Variants in CRYL1 observed in about 807,000 individuals in gnomAD.
CRYL1 encodes the protein lambda-crystallin homolog.
A neutral mutation model predicts 36.6 loss-of-function variants in CRYL1; 29 were observed. That is an observed-to-expected ratio of 0.79 (90% CI 0.59 to 1.08). The LOEUF is 1.08. CRYL1 is among the 50% of genes least tolerant of loss of function. The probability of loss-of-function intolerance (pLI) is 0.00; values close to 1 mark genes in which losing one functional copy is unlikely to be tolerated. For missense variants in CRYL1, 411 were observed against 407.9 expected (o/e 1.01, Z -0.06); for synonymous variants, 152 against 151.5 (o/e 1.00, Z -0.02).
chr13:20,452,272 A>G (rs145530553), intron 3 of CRYL1, among the ~76,000 whole-genome samples: 36 of 151,054 alleles, frequency 2.4e-4, no homozygotes, highest in African/African-American at 6.5e-4. Flanking sequence ...ACCCAACCCA[A>G]CTCTAAACTA....
At chr13:20,496,745 T>G (rs764163962) in intron 2 of CRYL1, among the ~76,000 whole-genome samples, 7 of 149,430 alleles carry the variant, frequency 4.7e-5, no homozygotes, top group Non-Finnish European at 8.9e-5. Context: ...GCAAAAAGGC[T>G]GAGGTAGGAG....
intron 2 of CRYL1, among the ~76,000 whole-genome samples, chr13:20,500,687 A>G (rs2033686157): frequency 6.6e-6 from 1 of 152,190 alleles, no homozygotes; most frequent in Non-Finnish European, 1.5e-5. Context: ...CTGGATGGTC[A>G]TGAGGTCTTC....
At chr13:20,485,951 T>G (rs989547583) in intron 3 of CRYL1, among the ~76,000 whole-genome samples, 1 of 152,086 alleles carries the variant, frequency 6.6e-6, no homozygotes, top group African/African-American at 2.4e-5. Flanking sequence ...GGAGTCTTAC[T>G]CCAGTTGCCC....
chr13:20,486,905 C>G (rs2033411170), intron 3 of CRYL1, among the ~76,000 whole-genome samples: 1 of 152,172 alleles, frequency 6.6e-6, no homozygotes, highest in African/African-American at 2.4e-5. Flanking sequence ...GTGCCAAGTA[C>G]TATGTAAGTG....
intron 5 of CRYL1, among the ~76,000 whole-genome samples, chr13:20,417,707 C>T (rs1430952726): frequency 1.3e-5 from 2 of 152,112 alleles, no homozygotes; most frequent in Non-Finnish European, 2.9e-5. Context: ...GATTTTTCCA[C>T]AGTGGAGTAA....
chr13:20,460,906 G>C (rs1421298849), intron 3 of CRYL1, among the ~76,000 whole-genome samples: 2 of 152,150 alleles, frequency 1.3e-5, no homozygotes, highest in African/African-American at 4.8e-5. Context: ...TATATAGTAA[G>C]TGCACAGCTG....
intron 5 of CRYL1, among the ~76,000 whole-genome samples, chr13:20,423,575 A>G (rs117089661): frequency 0.01 from 1,540 of 152,252 alleles, 12 homozygotes; most frequent in Non-Finnish European, 0.018. Context: ...AGATTTGCCT[A>G]TGGTAAAGTA....
intron 3 of CRYL1, among the ~76,000 whole-genome samples, chr13:20,475,238 G>A (rs534611111): frequency 4.6e-5 from 7 of 152,214 alleles, no homozygotes; most frequent in East Asian, 3.9e-4. Flanking sequence ...ATCACACCCC[G>A]TGTCTCTCCC....
chr13:20,521,745 T>C (rs943536474), intron 1 of CRYL1, among the ~76,000 whole-genome samples: 1 of 152,218 alleles, frequency 6.6e-6, no homozygotes, highest in African/African-American at 2.4e-5. Context: ...TTCAATTCTA[T>C]CATTAATGTC....
intron 3 of CRYL1, among the ~76,000 whole-genome samples, chr13:20,487,474 T>A (rs539455415): frequency 1.3e-5 from 2 of 152,334 alleles, no homozygotes; most frequent in African/African-American, 2.4e-5. Flanking sequence ...AAAGTGATTG[T>A]AATGAAGACA....
chr13:20,429,984 G>A (rs530692048), intron 5 of CRYL1, among the ~76,000 whole-genome samples: 1 of 152,110 alleles, frequency 6.6e-6, no homozygotes, highest in Non-Finnish European at 1.5e-5. Context: ...TCAGCACCAC[G>A]ACAAGCCCCC....
At chr13:20,503,644 G>A (rs563709750) in intron 2 of CRYL1, among the ~76,000 whole-genome samples, 2 of 152,216 alleles carry the variant, frequency 1.3e-5, no homozygotes, top group Admixed American at 6.5e-5. Flanking sequence ...GGGGTGAGAG[G>A]AGCAAAGTCA....
chr13:20,416,029 G>A (rs147149389), intron 5 of CRYL1, among the ~76,000 whole-genome samples: 249 of 152,304 alleles, frequency 1.6e-3, no homozygotes, highest in African/African-American at 4.8e-3. Context: ...CCCGGGCCGC[G>A]GCTGGGGCCC....
chr13:20,407,735 C>T (rs2031412996), intron 6 of CRYL1, among the ~76,000 whole-genome samples: 1 of 152,148 alleles, frequency 6.6e-6, no homozygotes, highest in South Asian at 2.1e-4. Context: ...AGATGCTTAT[C>T]CAGAAAAAGA....
chr13:20,523,622 T>C (rs941817853), intron 1 of CRYL1, among the ~76,000 whole-genome samples: 5 of 151,768 alleles, frequency 3.3e-5, no homozygotes, highest in African/African-American at 7.3e-5. Flanking sequence ...AGGAAAGAAA[T>C]AGAGGGACGA....
At chr13:20,454,576 C>G (rs145661545) in intron 3 of CRYL1, among the ~76,000 whole-genome samples, 1 of 151,978 alleles carries the variant, frequency 6.6e-6, no homozygotes, top group African/African-American at 2.4e-5. Context: ...TGCCACCACA[C>G]CCGGCTAATT....
intron 3 of CRYL1, among the ~76,000 whole-genome samples, chr13:20,472,623 C>T (rs950331774): frequency 1.3e-5 from 2 of 152,212 alleles, no homozygotes; most frequent in African/African-American, 2.4e-5. Flanking sequence ...AAGGTTCCTC[C>T]CAACCACTGC....
At chr13:20,456,762 C>G (rs1042775619) in intron 3 of CRYL1, among the ~76,000 whole-genome samples, 6 of 152,262 alleles carry the variant, frequency 3.9e-5, no homozygotes, top group South Asian at 2.1e-4. Flanking sequence ...GCCCACCCCC[C>G]ACTCTTCATG....
chr13:20,519,551 C>T (rs4770050), intron 1 of CRYL1, among the ~76,000 whole-genome samples: 93,312 of 149,910 alleles, frequency 0.62, 32,810 homozygotes, highest in Non-Finnish European at 0.78. Flanking sequence ...TGGCTTGCAC[C>T]CAGGAGTTCA....
Sources: allele counts gnomAD v4.1 joint callset (sites outside exome capture counted in the v4.1 genomes callset), GRCh38; gene constraint gnomAD v4.1.1; transcripts MANE v1.5; gene names NCBI Gene and HGNC (gene_info 2026-07-23, HGNC 2026-07-21).